DST: variants seen among roughly 807,000 people sequenced by gnomAD.
The protein encoded by DST is bullous pemphigoid antigen.
In DST, 253 loss-of-function variants were observed where a neutral mutation model predicts 875.2. The ratio of observed to expected loss-of-function variants is 0.29; its 90% CI spans 0.26 to 0.32. DST has a LOEUF of 0.32. Ranked by LOEUF, DST falls within the 10% of genes least tolerant of loss-of-function variation. The pLI is 1.00. For synonymous variants in DST, 3,124 were observed against 3,197.1 expected (o/e 0.98, Z 0.77); for missense variants, 8,287 against 9,111.6 (o/e 0.91, Z 3.68).
chr6:56,727,762 T>C (rs146896980), intron 5 of DST, among the ~76,000 whole-genome samples: 1 of 152,360 alleles, frequency 6.6e-6, no homozygotes, highest in African/African-American at 2.4e-5. Flanking sequence ...AGCATATTGC[T>C]TTCTTTCTAC....
In DST at chr6:56,573,757, A is replaced by G; in HGVS notation, c.13158T>C (p.Asn4386=). ...GLDEMLDWMG[N]VESSLKEQGQ... ...CTTGTTCTTTCAGAGAACTTTCCAC[A>G]TTTCCCATCCAGTCCAGCATTTCAT... is the stretch of plus-strand genomic sequence containing the variant. The change falls in exon 51 of 104, where the codon AAT becomes AAC. Residue 4386 remains asparagine, a synonymous_variant. Coordinates refer to ENST00000680361, the MANE Select transcript of DST (RefSeq NM_001374736.1). 6.2e-7 allele frequency: 1 copy of G among 1,613,618 alleles called. No individual in the cohort carries two copies. Among genetic ancestry groups the G allele is most frequent in the Non-Finnish European group, 8.5e-7 (1 of 1,179,710 alleles).
chr6:56,951,834 C>T (rs1226598726), intron 2 of DST, among the ~76,000 whole-genome samples: 1 of 152,140 alleles, frequency 6.6e-6, no homozygotes, highest in Non-Finnish European at 1.5e-5. Flanking sequence ...TTTTTAAAAG[C>T]CTGCAAAGAT....
chr6:56,744,128 G>T (rs531772217), intron 4 of DST, among the ~76,000 whole-genome samples: 2 of 145,482 alleles, frequency 1.4e-5, no homozygotes, highest in Non-Finnish European at 3.0e-5. Flanking sequence ...CAGCCTGGGC[G>T]ACAAGAGTGA....
intron 9 of DST, among the ~76,000 whole-genome samples, chr6:56,682,731 G>T (rs1037271098): frequency 1.3e-5 from 2 of 152,320 alleles, no homozygotes; most frequent in South Asian, 2.1e-4. Flanking sequence ...CTCATGGTCA[G>T]TCAGAGATGT....
intron 8 of DST, among the ~76,000 whole-genome samples, chr6:56,701,395 T>C (rs186523221): frequency 6.6e-6 from 1 of 152,236 alleles, no homozygotes; most frequent in East Asian, 1.9e-4. Context: ...CTCATAAATT[T>C]TCCAATATTA....
In DST at chr6:56,946,761, G is replaced by A. The variant is rs545908833; in HGVS notation, c.216+7024C>T. ...GGAGATAAAAAGTCACTGGCTGAAGGTAAGGGAGTAGGCCTGAGGATTTCA... is the reference window on the plus strand; with the variant it reads ...GGAGATAAAAAGTCACTGGCTGAAGATAAGGGAGTAGGCCTGAGGATTTCA... On this transcript the variant is annotated intron_variant, in intron 2 of 103. Coordinates refer to ENST00000680361, the MANE Select transcript of DST (RefSeq NM_001374736.1). Among the ~76,000 whole-genome samples, 41 of 152,266 alleles carry A rather than the reference G, an allele frequency of 2.7e-4. No homozygotes were observed. In the South Asian group the frequency reaches 6.8e-3, roughly 25 times the overall value.
intron 5 of DST, among the ~76,000 whole-genome samples, chr6:56,729,530 C>T (rs909560448): frequency 4.7e-5 from 7 of 148,924 alleles, no homozygotes; most frequent in Admixed American, 4.1e-4. Context: ...GCGGAGATTG[C>T]GGGGAGGCAG....
intron 98 of DST, 76 bp from the exon 99 acceptor site, chr6:56,466,271 T>A: frequency 2.0e-6 from 2 of 1,000,154 alleles, no homozygotes; most frequent in Non-Finnish European, 2.8e-6. Flanking sequence ...CAATTTGCAG[T>A]AGCTAAAGCA....
At chr6:56,504,295 GA>G (rs1345661287) in intron 77 of DST, among the ~76,000 whole-genome samples, 197 bp from the exon 78 acceptor site, 14 of 152,074 alleles carry the variant, frequency 9.2e-5, no homozygotes, top group Non-Finnish European at 1.9e-4. Flanking sequence ...ATATGAAATA[GA>G]TACATACAAG....
Position 56,464,429 on chromosome 6 carries a change from C to T in DST, c.22759+256G>A, listed in dbSNP as rs1373800731. 1.2e-5 allele frequency: 6 copies of T among 509,274 alleles called. 1 individual carries two copies. Among genetic ancestry groups the T allele is most frequent in the South Asian group, 8.5e-5 (3 of 35,410 alleles). 31.5% of individuals were successfully genotyped at this position (509,274 alleles called of 1,614,324 possible). On this transcript the variant is annotated intron_variant, in intron 100 of 103. Coordinates refer to ENST00000680361, the MANE Select transcript of DST (RefSeq NM_001374736.1). ...GCACTCATACAAACACATACGCACACGGAGAACACTCCACAAGAACCCGGT... is the reference window on the plus strand; with the variant it reads ...GCACTCATACAAACACATACGCACATGGAGAACACTCCACAAGAACCCGGT...
chr6:56,563,224 T>G (rs1436082793), intron 55 of DST, among the ~76,000 whole-genome samples: 1 of 152,196 alleles, frequency 6.6e-6, no homozygotes, highest in Non-Finnish European at 1.5e-5. Context: ...GTGTTCCTAT[T>G]TCTCCACATC....
rs752352040 is a variant in DST, at chr6:56,604,169, G to A, written c.10459C>T (p.Leu3487=). 2 of 1,597,498 alleles carry A rather than the reference G, an allele frequency of 1.3e-6. No homozygotes were observed. Among genetic ancestry groups the A allele is most frequent in the South Asian group, 2.3e-5 (2 of 88,852 alleles). Residue 3487 remains leucine (L), a synonymous_variant, in exon 40 of 104, where the codon CTG becomes TTG. Transcript: ENST00000680361. ...KRGITSKVLP[L]QLENIFYKLL... is the part of the protein sequence containing the mutation. ...TTGTAGAAAATATTTTCAAGCTGCA[G>A]TGGAAGTACTTTAGACGTAATGCCT...
At chr6:56,634,287 A>G in intron 26 of DST, 29 bp from the exon 27 acceptor site, 1 of 1,613,608 alleles carries the variant, frequency 6.2e-7, no homozygotes, top group Middle Eastern at 1.6e-4. Flanking sequence ...AACTCAGATT[A>G]ATGTTTTTAC....
intron 9 of DST, among the ~76,000 whole-genome samples, chr6:56,680,331 G>C (rs1051225303): frequency 6.6e-6 from 1 of 152,204 alleles, no homozygotes; most frequent in Non-Finnish European, 1.5e-5. Flanking sequence ...TAGAAGTGAT[G>C]GGTAGGGGGA....
intron 4 of DST, among the ~76,000 whole-genome samples, chr6:56,755,037 G>A (rs1353526503): frequency 1.3e-5 from 2 of 150,432 alleles, no homozygotes; most frequent in African/African-American, 4.9e-5. Flanking sequence ...TACATTCCAG[G>A]ACTATAAAAA....
chr6:56,835,562 AC>A (rs1219545882), intron 4 of DST, among the ~76,000 whole-genome samples: 2 of 152,224 alleles, frequency 1.3e-5, no homozygotes, highest in African/African-American at 4.8e-5. Flanking sequence ...AGGAAGAGCC[AC>A]AGTACTTGAG....
At chr6:56,920,852 C>T (rs541860795) in intron 2 of DST, among the ~76,000 whole-genome samples, 54 of 147,118 alleles carry the variant, frequency 3.7e-4, no homozygotes, top group African/African-American at 1.3e-3. Context: ...CCTCAGCCTC[C>T]GGAGTAGCTG....
chr6:56,842,800 T>C (rs904925706), intron 4 of DST, among the ~76,000 whole-genome samples: 2 of 152,132 alleles, frequency 1.3e-5, no homozygotes, highest in African/African-American at 4.8e-5. Flanking sequence ...GAAAACGCAA[T>C]GTGCTTCTTG....
chr6:56,703,715 C>T lies in DST; in HGVS notation c.809G>A (p.Arg270Gln). 6 of 985,172 alleles carry T rather than the reference C, an allele frequency of 6.1e-6. No homozygotes were observed. The highest frequency in any genetic ancestry group is 7.2e-6 in the Non-Finnish European group (6 of 829,862). The allele number at this position is 985,172 out of a possible 1,614,324, so 61.0% of individuals were successfully genotyped here. A position where few individuals can be genotyped will look rare whatever the true frequency, so the allele number is the denominator to read the frequency against. Residue 270 changes from arginine to glutamine, a missense_variant, in exon 7 of 104, where the codon CGA becomes CAA. By Grantham distance (43) the Arg-to-Gln change is conservative. Coordinates refer to ENST00000680361, the MANE Select transcript of DST (RefSeq NM_001374736.1). ...PRERDFLKTL[R>Q]LVSATEACEY... ...GCATGCTTCTGTTGCACTCACCAAT[C>T]GTAAGGTCTTCAAAAAATCTCGCTC...
Sources: gnomAD v4.1 joint callset for allele counts (sites outside exome capture counted in the v4.1 genomes callset) on GRCh38, gnomAD v4.1.1 for gene constraint, MANE v1.5 for transcripts, NCBI Gene and HGNC (gene_info 2026-07-23, HGNC 2026-07-21) for gene names.